The following FBXL17 variants were observed in gnomAD, a reference collection of about 807,000 sequenced individuals.
FBXL17 encodes the protein F-box/LRR-repeat protein 17.
Under a neutral mutation model 66.2 loss-of-function variants are expected in FBXL17, and 22 were observed. The observed-to-expected ratio is 0.33, with a 90% CI of 0.24 to 0.47. The LOEUF (loss-of-function observed/expected upper bound fraction) is 0.47, where lower values mean the gene tolerates loss of function less well. FBXL17 is among the 20% of genes least tolerant of loss of function. FBXL17 has a pLI of 1.00. For synonymous variants in FBXL17, 474 were observed against 400.5 expected, an observed-to-expected ratio of 1.18 and a Z score of -2.19; for missense variants, 878 against 948.2, an observed-to-expected ratio of 0.93 and a Z score of 0.97.
intron 6 of FBXL17, among the ~76,000 whole-genome samples, chr5:108,085,064 G>C (rs2149923198): frequency 6.6e-6 from 1 of 152,234 alleles, no homozygotes; most frequent in East Asian, 1.9e-4. Flanking sequence ...TCTTCACCCA[G>C]AGGTGAACCA....
At chr5:108,161,299 A>C (rs1752208612) in intron 6 of FBXL17, among the ~76,000 whole-genome samples, 1 of 152,078 alleles carries the variant, frequency 6.6e-6, no homozygotes, top group African/African-American at 2.4e-5. Context: ...CCTCGGCAAC[A>C]CAGTGAAACC....
At chr5:108,215,879 T>C (rs1165617603) in intron 5 of FBXL17, among the ~76,000 whole-genome samples, 2 of 152,192 alleles carry the variant, frequency 1.3e-5, no homozygotes, top group African/African-American at 4.8e-5. Flanking sequence ...TTTTTATATA[T>C]GGTCTGAGGT....
At chr5:108,122,932 A>G (rs749431585) in intron 6 of FBXL17, among the ~76,000 whole-genome samples, 2 of 151,952 alleles carry the variant, frequency 1.3e-5, no homozygotes, top group Non-Finnish European at 2.9e-5. Context: ...TTTAGTTTAT[A>G]AGAGCATCTG....
intron 7 of FBXL17, among the ~76,000 whole-genome samples, chr5:107,968,891 T>G (rs912017313): frequency 1.3e-5 from 2 of 151,758 alleles, no homozygotes; most frequent in African/African-American, 2.4e-5. Context: ...CTGCTAAAAG[T>G]AGGAATACAA....
At chr5:108,107,825 A>AG (rs1478002155) in intron 6 of FBXL17, among the ~76,000 whole-genome samples, 2 of 142,178 alleles carry the variant, frequency 1.4e-5, no homozygotes, top group South Asian at 2.3e-4. Flanking sequence ...AAAAAAAAAG[A>AG]AAAGAAAAAA....
intron 6 of FBXL17, among the ~76,000 whole-genome samples, chr5:108,041,215 T>G (rs1371363413): frequency 6.6e-6 from 1 of 152,188 alleles, no homozygotes; most frequent in East Asian, 1.9e-4. Context: ...GCTTTTTTCT[T>G]TAGTATTTTA....
intron 4 of FBXL17, among the ~76,000 whole-genome samples, chr5:108,269,460 C>T (rs982661993): frequency 6.6e-6 from 1 of 152,140 alleles, no homozygotes; most frequent in Non-Finnish European, 1.5e-5. Context: ...GAAGAATATA[C>T]ACAATAACTA....
rs957422851 is a variant in FBXL17 at position 108,364,683 on chromosome 5, A to G, written c.1374+55T>C. On this transcript the variant is annotated intron_variant, in intron 3 of 8. Transcript: ENST00000542267. ...CGTAACCATTTAAAATGTTGTTGCT[A>G]GAAAACATTTTTAATTAATTCAAGT... 2.9e-6 allele frequency: 4 copies of G among 1,392,468 alleles called. No individual in the cohort carries two copies. The African/African-American group carries it at 5.8e-5, about 20-fold the overall frequency. 86.3% of individuals were successfully genotyped at this position (1,392,468 alleles called of 1,614,324 possible).
chr5:108,072,694 T>C (rs2909880), intron 6 of FBXL17, among the ~76,000 whole-genome samples: 118,245 of 152,080 alleles, frequency 0.78, 46,343 homozygotes, highest in East Asian at 0.93. Flanking sequence ...GGAGACAGAG[T>C]GAGACTCTGT....
At chr5:108,200,057 G>C (rs151299902) in intron 5 of FBXL17, among the ~76,000 whole-genome samples, 153 of 152,164 alleles carry the variant, frequency 1.0e-3, no homozygotes, top group Non-Finnish European at 1.5e-3. Flanking sequence ...AAAAGGAAGA[G>C]TCAGTGTTAC....
chr5:107,999,309 C>G (rs188816481), intron 7 of FBXL17, among the ~76,000 whole-genome samples: 129 of 152,134 alleles, frequency 8.5e-4, no homozygotes, highest in South Asian at 2.7e-3. Flanking sequence ...AGCATTATGC[C>G]TTTTACCCTC....
intron 7 of FBXL17, among the ~76,000 whole-genome samples, chr5:107,955,972 A>C (rs1465082167): frequency 6.6e-6 from 1 of 152,156 alleles, no homozygotes; most frequent in Non-Finnish European, 1.5e-5. Flanking sequence ...AAAACCAATT[A>C]CCTCTAATTC....
intron 4 of FBXL17, among the ~76,000 whole-genome samples, chr5:108,312,574 C>T (rs144163303): frequency 4.1e-4 from 63 of 151,820 alleles, no homozygotes; most frequent in African/African-American, 1.5e-3. Context: ...TGAAAAGCAC[C>T]TTAAAACCAA....
chr5:108,161,845 A>G (rs934014284), intron 6 of FBXL17, among the ~76,000 whole-genome samples: 3 of 152,338 alleles, frequency 2.0e-5, no homozygotes, highest in Non-Finnish European at 2.9e-5. Context: ...TTAGACATAT[A>G]AAAGGCAGGT....
At chr5:108,295,226 T>A (rs1758295763) in intron 4 of FBXL17, among the ~76,000 whole-genome samples, 1 of 151,890 alleles carries the variant, frequency 6.6e-6, no homozygotes, top group Non-Finnish European at 1.5e-5. Flanking sequence ...TTGTGATATT[T>A]TACTACAAGA....
chr5:107,937,928 C>T (rs1227091454), intron 7 of FBXL17, among the ~76,000 whole-genome samples: 1 of 152,134 alleles, frequency 6.6e-6, no homozygotes, highest in Non-Finnish European at 1.5e-5. Flanking sequence ...GCAACAAGGT[C>T]AAGATCAAAG....
intron 6 of FBXL17, among the ~76,000 whole-genome samples, chr5:108,046,368 C>T (rs191023501): frequency 2.0e-5 from 3 of 152,222 alleles, no homozygotes; most frequent in Admixed American, 1.3e-4. Flanking sequence ...ACAGCATATA[C>T]TTGGGTCATG....
intron 6 of FBXL17, among the ~76,000 whole-genome samples, chr5:108,112,196 A>G (rs1006994105): frequency 2.6e-5 from 4 of 151,760 alleles, no homozygotes; most frequent in African/African-American, 9.7e-5. Context: ...GCACAGTCCA[A>G]TTGAGTCTTT....
intron 6 of FBXL17, among the ~76,000 whole-genome samples, chr5:108,129,903 A>G (rs1750865478): frequency 6.7e-6 from 1 of 148,464 alleles, no homozygotes; most frequent in South Asian, 2.2e-4. Context: ...TAAATAACCC[A>G]TTTTTTAACC....
Sources: allele counts gnomAD v4.1 joint callset (sites outside exome capture counted in the v4.1 genomes callset), GRCh38; gene constraint gnomAD v4.1.1; transcripts MANE v1.5; gene names NCBI Gene and HGNC (gene_info 2026-07-23, HGNC 2026-07-21).